Variants in GRID2 observed in about 807,000 individuals in gnomAD.
The protein encoded by GRID2 is glutamate receptor ionotropic, delta-2.
Under a neutral mutation model 114.8 loss-of-function variants are expected in GRID2, and 33 were observed. That is an observed-to-expected ratio of 0.29 (90% CI 0.22 to 0.38). The LOEUF is 0.38. Ranked by LOEUF, GRID2 falls within the 10% of genes least tolerant of loss-of-function variation. The pLI is 1.00. For missense variants in GRID2, 1,184 were observed against 1,257.7 expected, an observed-to-expected ratio of 0.94 and a Z score of 0.89; for synonymous variants, 505 against 449.9, an observed-to-expected ratio of 1.12 and a Z score of -1.55.
intron 2 of GRID2, among the ~76,000 whole-genome samples, chr4:92,747,535 G>A (rs1444084536): frequency 6.6e-6 from 1 of 152,052 alleles, no homozygotes; most frequent in African/African-American, 2.4e-5. Flanking sequence ...GAGGGAGGGG[G>A]AAATGATATC....
intron 1 of GRID2, among the ~76,000 whole-genome samples, chr4:92,330,770 C>T (rs1345437014): frequency 1.3e-5 from 2 of 151,828 alleles, no homozygotes; most frequent in Non-Finnish European, 2.9e-5. Context: ...CTGTGAATTA[C>T]AGTGGAAATT....
At chr4:93,385,618 G>A (rs1261425460) in intron 8 of GRID2, among the ~76,000 whole-genome samples, 2 of 152,010 alleles carry the variant, frequency 1.3e-5, no homozygotes, top group Non-Finnish European at 2.9e-5. Context: ...GGGGACATAA[G>A]TTATTTCGTA....
chr4:93,066,649 C>T (rs1451445244), intron 2 of GRID2, among the ~76,000 whole-genome samples: 1 of 151,838 alleles, frequency 6.6e-6, no homozygotes, highest in Non-Finnish European at 1.5e-5. Flanking sequence ...ATATTTTTAT[C>T]TTATAATAAG....
intron 4 of GRID2, among the ~76,000 whole-genome samples, chr4:93,160,283 A>T (rs1448400434): frequency 1.3e-5 from 2 of 151,834 alleles, no homozygotes; most frequent in Non-Finnish European, 1.5e-5. Context: ...ATCAATATAG[A>T]TAAGGTAATA....
chr4:92,751,587 T>A (rs529898908), intron 2 of GRID2, among the ~76,000 whole-genome samples: 1 of 152,342 alleles, frequency 6.6e-6, no homozygotes, highest in Admixed American at 6.5e-5. Context: ...TTCTTTTCAA[T>A]GTTGTTAAAT....
intron 14 of GRID2, among the ~76,000 whole-genome samples, chr4:93,703,440 A>G (rs1222705373): frequency 2.0e-5 from 3 of 152,150 alleles, no homozygotes; most frequent in Non-Finnish European, 4.4e-5. Flanking sequence ...TTAATGTATA[A>G]TAAGTTATCA....
chr4:93,177,537 T>C (rs1052389311), intron 4 of GRID2, among the ~76,000 whole-genome samples: 1 of 152,150 alleles, frequency 6.6e-6, no homozygotes, highest in Non-Finnish European at 1.5e-5. Context: ...GCAAAAGTGT[T>C]TCCTACTTTA....
intron 8 of GRID2, among the ~76,000 whole-genome samples, chr4:93,269,011 T>C (rs1751145774): frequency 6.6e-6 from 1 of 152,194 alleles, no homozygotes; most frequent in Non-Finnish European, 1.5e-5. Context: ...ACTGAATCTA[T>C]TTCCTGAAAC....
At chr4:93,312,560 T>C (rs1009813563) in intron 8 of GRID2, among the ~76,000 whole-genome samples, 1 of 152,170 alleles carries the variant, frequency 6.6e-6, no homozygotes, top group African/African-American at 2.4e-5. Flanking sequence ...GGTAGGGAAG[T>C]AAAATTTCAA....
At chr4:92,906,801 C>T (rs1458182079) in intron 2 of GRID2, among the ~76,000 whole-genome samples, 1 of 151,878 alleles carries the variant, frequency 6.6e-6, no homozygotes, top group Non-Finnish European at 1.5e-5. Context: ...AAGCCTTTTC[C>T]CCTAGAACAA....
At position 92,513,870 on chromosome 4, in the gene GRID2, C is replaced by T. The variant is rs1724373494; in HGVS notation, c.89-76261C>T. The stretch of plus-strand genomic sequence containing the variant: ...ATATATTTTATGTGAGTTTAATGTA[C>T]TGTGTAGACCTCTAATTAGAAAGCA... On this transcript the variant is annotated intron_variant, in intron 1 of 15. Transcript: ENST00000282020. Among the ~76,000 whole-genome samples the T allele has an allele frequency of 2.6e-5, 4 of 151,858 alleles. No individual in the cohort carries two copies. In the South Asian group the frequency reaches 6.2e-4, roughly 24 times the overall value.
At chr4:93,798,132 G>A (rs1013226936) in intron 1 of GRID2, among the ~76,000 whole-genome samples, 6 of 152,160 alleles carry the variant, frequency 3.9e-5, no homozygotes, top group East Asian at 1.9e-4. Context: ...CAGCCTGGGC[G>A]ACAGGAGTGA....
At chr4:93,694,313 G>A (rs751332263) in intron 14 of GRID2, among the ~76,000 whole-genome samples, 3 of 152,022 alleles carry the variant, frequency 2.0e-5, no homozygotes, top group Non-Finnish European at 2.9e-5. Context: ...CTTCCGCAAA[G>A]CCCCCAGAAC....
chr4:93,708,255 T>A (rs1442644364), intron 14 of GRID2, among the ~76,000 whole-genome samples: 2 of 151,996 alleles, frequency 1.3e-5, no homozygotes, highest in African/African-American at 4.8e-5. Context: ...CTTTGTTGAT[T>A]TTCTATCTGA....
At chr4:92,732,873 C>T (rs1370291419) in intron 2 of GRID2, among the ~76,000 whole-genome samples, 2 of 152,002 alleles carry the variant, frequency 1.3e-5, no homozygotes, top group Non-Finnish European at 2.9e-5. Flanking sequence ...TTGCATTTGT[C>T]GTTGTACATT....
intron 4 of GRID2, among the ~76,000 whole-genome samples, chr4:93,149,325 G>A (rs1486343290): frequency 2.6e-5 from 4 of 152,108 alleles, no homozygotes; most frequent in Non-Finnish European, 5.9e-5. Context: ...TATAATCCCA[G>A]CACTTTGGGA....
At chr4:93,038,466 C>G (rs1431759458) in intron 2 of GRID2, among the ~76,000 whole-genome samples, 1 of 152,136 alleles carries the variant, frequency 6.6e-6, no homozygotes, top group African/African-American at 2.4e-5. Flanking sequence ...GAGATACCAT[C>G]TTATGCCAGT....
chr4:93,297,925 C>T (rs1754486204), intron 8 of GRID2, among the ~76,000 whole-genome samples: 1 of 152,102 alleles, frequency 6.6e-6, no homozygotes, highest in Non-Finnish European at 1.5e-5. Context: ...AGATTCTGTT[C>T]ACTTTCTTTT....
intron 2 of GRID2, among the ~76,000 whole-genome samples, chr4:92,918,710 C>A (rs923729224): frequency 6.6e-6 from 1 of 152,112 alleles, no homozygotes; most frequent in Non-Finnish European, 1.5e-5. Flanking sequence ...CCCACTGGAT[C>A]ATGGTGGATA....
Sources: allele counts gnomAD v4.1 joint callset (sites outside exome capture counted in the v4.1 genomes callset), GRCh38; gene constraint gnomAD v4.1.1; transcripts MANE v1.5; gene names NCBI Gene and HGNC (gene_info 2026-07-23, HGNC 2026-07-21).